The following GTF2IRD2 variants were observed in gnomAD, a reference collection of about 807,000 sequenced individuals.
GTF2IRD2 encodes GTF2I repeat domain containing 2.
Under a neutral mutation model 49.2 loss-of-function variants are expected in GTF2IRD2, and 8 were observed. That is an observed-to-expected ratio of 0.16 (90% CI 0.10 to 0.29). GTF2IRD2 has a LOEUF of 0.29. Among genes scored for constraint, GTF2IRD2 ranks in the 10% least tolerant of loss-of-function variants. GTF2IRD2 has a pLI of 1.00. For missense variants in GTF2IRD2, 130 were observed against 725.7 expected (o/e 0.18, Z 9.43); for synonymous variants, 47 against 289.7 (o/e 0.16, Z 8.51).
chr7:74,820,017 G>C lies in GTF2IRD2; in HGVS notation c.578C>G (p.Pro193Arg). The change falls in exon 7 of 16, where the codon CCT becomes CGT. Residue 193 changes from proline to arginine, a missense_variant. Physicochemically the swap from Pro to Arg is moderately radical, Grantham distance 103. Coordinates refer to ENST00000451013, the MANE Select transcript of GTF2IRD2 (RefSeq NM_173537.5). ...FLGPESQLGGPGMVTDAERSI... is the reference protein window; with the variant it reads ...FLGPESQLGGRGMVTDAERSI... ...TCTCTCCGCATCTGTTACCATCCCA[G>C]GGCCACCTGTAGAGGAATGAAAAAA... is the stretch of plus-strand genomic sequence containing the variant. 1 of 1,574,856 alleles carries C rather than the reference G, an allele frequency of 6.3e-7. No individual in the cohort carries two copies. The highest frequency in any genetic ancestry group is 8.7e-7 in the Non-Finnish European group (1 of 1,152,832).
chr7:74,845,478 A>AG (rs1801199888), intron 1 of GTF2IRD2, among the ~76,000 whole-genome samples: 1 of 151,408 alleles, frequency 6.6e-6, no homozygotes, highest in South Asian at 2.1e-4. Context: ...TTTTGTAGAG[A>AG]GGGGGTTTCG....
intron 12 of GTF2IRD2, among the ~76,000 whole-genome samples, chr7:74,806,313 A>ATTC (rs1298193607): frequency 7.5e-6 from 1 of 134,118 alleles, no homozygotes; most frequent in Non-Finnish European, 1.6e-5. Context: ...TATTATTATT[A>ATTC]TTATTTATTT....
rs1381036595 is a variant in GTF2IRD2 at position 74,828,718 on chromosome 7, C to T, written c.239-3666G>A. On this transcript the variant is annotated intron_variant, in intron 3 of 15. Transcript: ENST00000451013. Reference sequence around the variant, plus strand: ...AAATGGCAAAGATGCCCTCTCTCCCCACTTCTGTTCAACACAGTTTTGGAA... The same window carrying T: ...AAATGGCAAAGATGCCCTCTCTCCCTACTTCTGTTCAACACAGTTTTGGAA... Among the ~76,000 whole-genome samples, 35 of 65,810 alleles carry T rather than the reference C, an allele frequency of 5.3e-4. 1 individual carries two copies. Among genetic ancestry groups the T allele is most frequent in the African/African-American group, 1.4e-3 (34 of 24,182 alleles). 43.2% of individuals were successfully genotyped at this position (65,810 alleles called of 152,430 possible).
intron 3 of GTF2IRD2, among the ~76,000 whole-genome samples, chr7:74,830,200 C>CAA (rs782359912): frequency 0.025 from 406 of 16,200 alleles, no homozygotes; most frequent in Middle Eastern, 0.045. Context: ...AACCCTGTCT[C>CAA]AAAAAAAAAA....
intron 1 of GTF2IRD2, among the ~76,000 whole-genome samples, chr7:74,844,325 C>G (rs1211486061): frequency 5.2e-5 from 6 of 116,432 alleles, no homozygotes; most frequent in African/African-American, 1.8e-4. Context: ...ATTCTTTTAC[C>G]TGATGTAAAC....
intron 3 of GTF2IRD2, among the ~76,000 whole-genome samples, chr7:74,829,887 C>CAAAAAAAAAAAAAA (rs1554420189): frequency 3.2e-4 from 19 of 59,808 alleles, no homozygotes; most frequent in Non-Finnish European, 4.3e-4. Context: ...GATTCTGTCT[C>CAAAAAAAAAAAAAA]AAAAAAAAAA....
At chr7:74,798,977 T>C (rs1303883213) in intron 15 of GTF2IRD2, 1 of 152,328 alleles carries the variant, frequency 6.6e-6, no homozygotes, top group Non-Finnish European at 1.4e-5. Context: ...CGAGCTATCT[T>C]TTCTTTCTTT....
At chr7:74,811,926 AGACCAGT>A (rs1258999592) in intron 9 of GTF2IRD2, among the ~76,000 whole-genome samples, 1 of 33,536 alleles carries the variant, frequency 3.0e-5, no homozygotes, top group Non-Finnish European at 7.3e-5. Context: ...TACCGTCAGG[AGACCAGT>A]GACCAGTCAG....
chr7:74,841,235 T>C (rs1554421819), intron 1 of GTF2IRD2, among the ~76,000 whole-genome samples: 2 of 115,088 alleles, frequency 1.7e-5, no homozygotes, highest in Non-Finnish European at 3.4e-5. Context: ...TGGCATGATC[T>C]TGGCTCACTG....
chr7:74,836,171 A>C lies in GTF2IRD2; in HGVS notation c.99+109T>G. On this transcript the variant is annotated intron_variant, in intron 2 of 15. Transcript: ENST00000451013. ...GGGTGACAGAGTGAGACTCTGTCTT[A>C]AAAAAAAGAAAAGAAAAAAAACAAA... is the stretch of plus-strand genomic sequence containing the variant. 4 of 1,370,770 alleles carry C rather than the reference A, an allele frequency of 2.9e-6. No homozygotes were observed. The South Asian group carries it at 4.8e-5, about 16-fold the overall frequency. The allele number at this position is 1,370,770 out of a possible 1,614,324, so 84.9% of individuals were successfully genotyped here.
At position 74,841,997 on chromosome 7, in the gene GTF2IRD2, G is replaced by A. The variant is rs1800873420; in HGVS notation, c.-5-5614C>T. ...AAATTAGCCGGGCATGGTGGCGCACGCCTGTAGTCCCAGCTACTCGGGAGG... is the reference window on the plus strand; with the variant it reads ...AAATTAGCCGGGCATGGTGGCGCACACCTGTAGTCCCAGCTACTCGGGAGG... On this transcript the variant is annotated intron_variant, in intron 1 of 15. Transcript: ENST00000451013. Among the ~76,000 whole-genome samples, 4 of 131,224 alleles carry A rather than the reference G, an allele frequency of 3.0e-5. 1 individual carries two copies. In the South Asian group the frequency reaches 8.0e-4, roughly 26 times the overall value. The allele number at this position is 131,224 out of a possible 152,430, so 86.1% of individuals were successfully genotyped here. A position where few individuals can be genotyped will look rare whatever the true frequency, so the allele number is the denominator to read the frequency against.
At chr7:74,809,853 G>A (rs1798017283) in intron 10 of GTF2IRD2, among the ~76,000 whole-genome samples, 1 of 115,346 alleles carries the variant, frequency 8.7e-6, no homozygotes, top group African/African-American at 2.9e-5. Flanking sequence ...GAGTGGAATG[G>A]TGCGATTTCG....
chr7:74,829,644 G>C (rs1480197272), intron 3 of GTF2IRD2, among the ~76,000 whole-genome samples: 5 of 149,340 alleles, frequency 3.3e-5, no homozygotes, highest in African/African-American at 1.2e-4. Flanking sequence ...ACTTTTGGGA[G>C]GCTGAGGAGG....
At chr7:74,822,886 T>C in intron 4 of GTF2IRD2, 79 bp from the exon 5 acceptor site, 1 of 1,512,324 alleles carries the variant, frequency 6.6e-7, no homozygotes, top group Non-Finnish European at 8.9e-7. Context: ...TTTTGTTTTT[T>C]GTTTTGTAGA....
chr7:74,831,500 T>TACACAC (rs1424504247), intron 3 of GTF2IRD2, among the ~76,000 whole-genome samples: 1 of 113,248 alleles, frequency 8.8e-6, no homozygotes, highest in African/African-American at 4.6e-5. Flanking sequence ...CCTCTCTCTG[T>TACACAC]ACATACACAC....
At chr7:74,826,030 C>T (rs1175175362) in intron 3 of GTF2IRD2, among the ~76,000 whole-genome samples, 11 of 151,684 alleles carry the variant, frequency 7.3e-5, no homozygotes, top group African/African-American at 2.4e-4. Flanking sequence ...CGTGATCCGC[C>T]TGCCTCGGCC....
At chr7:74,815,662 G>T (rs1289855928) in intron 8 of GTF2IRD2, among the ~76,000 whole-genome samples, 1 of 67,572 alleles carries the variant, frequency 1.5e-5, no homozygotes, top group Non-Finnish European at 3.2e-5. Context: ...TGAGACAGGA[G>T]AATCACTTGA....
rs202035878 is a variant in GTF2IRD2 at position 74,796,184 on chromosome 7, T to C, written c.*478A>G. The C allele has an allele frequency of 0.11, 18,820 of 171,046 alleles. 2,931 individuals carry two copies. Among genetic ancestry groups the C allele is most frequent in the African/African-American group, 0.4 (15,138 of 37,562 alleles). The allele number at this position is 171,046 out of a possible 1,614,324, so 10.6% of individuals were successfully genotyped here. A position where few individuals can be genotyped will look rare whatever the true frequency, so the allele number is the denominator to read the frequency against. On this transcript the variant is annotated 3_prime_UTR_variant, in exon 16 of 16. Coordinates refer to ENST00000451013, the MANE Select transcript of GTF2IRD2 (RefSeq NM_173537.5). Reference sequence around the variant, plus strand: ...TTGATTTTTAATGAATAGTGAGGCATACAATGTAATATAAACAAGTATGAT... The same window carrying C: ...TTGATTTTTAATGAATAGTGAGGCACACAATGTAATATAAACAAGTATGAT...
chr7:74,842,949 G>A (rs1188282180), intron 1 of GTF2IRD2, among the ~76,000 whole-genome samples: 16 of 90,500 alleles, frequency 1.8e-4, no homozygotes, highest in Non-Finnish European at 3.2e-4. Flanking sequence ...TTTTTGAGAC[G>A]GAGTCTCACT....
Sources: allele counts gnomAD v4.1 joint callset (sites outside exome capture counted in the v4.1 genomes callset), GRCh38; gene constraint gnomAD v4.1.1; transcripts MANE v1.5; gene names NCBI Gene and HGNC (gene_info 2026-07-23, HGNC 2026-07-21).